GNAQ: variants seen among roughly 807,000 people sequenced by gnomAD.
The protein encoded by GNAQ is G protein subunit alpha q, also known as guanine nucleotide-binding protein G(q) subunit alpha.
GNAQ carries 8 observed loss-of-function variants against 43.9 expected under a neutral mutation model. That is an observed-to-expected ratio of 0.18 (90% CI 0.11 to 0.33). The LOEUF is 0.33. Among genes scored for constraint, GNAQ ranks in the 10% least tolerant of loss-of-function variants. The pLI is 1.00. For synonymous variants in GNAQ, 155 were observed against 170.7 expected, an observed-to-expected ratio of 0.91 and a Z score of 0.71; for missense variants, 158 against 450.8, an observed-to-expected ratio of 0.35 and a Z score of 5.88.
chr9:77,957,159 C>G (rs752696901), intron 1 of GNAQ, among the ~76,000 whole-genome samples: 1 of 152,064 alleles, frequency 6.6e-6, no homozygotes, highest in Admixed American at 6.5e-5. Context: ...AATTCGAGAC[C>G]AGTCTGGCCA....
At chr9:77,804,003 A>C (rs984147649) in intron 3 of GNAQ, among the ~76,000 whole-genome samples, 6 of 152,220 alleles carry the variant, frequency 3.9e-5, no homozygotes, top group Non-Finnish European at 7.3e-5. Flanking sequence ...AGAAGCTTCA[A>C]CTTCTCTAAA....
intron 2 of GNAQ, among the ~76,000 whole-genome samples, chr9:77,822,015 A>T (rs1343960758): frequency 6.6e-6 from 1 of 152,178 alleles, no homozygotes; most frequent in Non-Finnish European, 1.5e-5. Flanking sequence ...TGGATTCTGA[A>T]GTCCAAGTAA....
chr9:77,776,032 G>C (rs1475761745), intron 5 of GNAQ, among the ~76,000 whole-genome samples: 4 of 152,200 alleles, frequency 2.6e-5, no homozygotes, highest in Admixed American at 6.5e-5. Flanking sequence ...CCACAAAAGT[G>C]GCAAAAATTG....
At chr9:77,885,546 A>G (rs1443692695) in intron 2 of GNAQ, among the ~76,000 whole-genome samples, 1 of 152,138 alleles carries the variant, frequency 6.6e-6, no homozygotes, top group Admixed American at 6.5e-5. Context: ...TATAAATTAG[A>G]TTTCTGTTTA....
At chr9:78,027,659 G>A (rs1385616916) in intron 1 of GNAQ, among the ~76,000 whole-genome samples, 1 of 151,584 alleles carries the variant, frequency 6.6e-6, no homozygotes, top group African/African-American at 2.4e-5. Flanking sequence ...GCTGAGACAG[G>A]AGAATCGCTT....
At chr9:77,799,345 G>A (rs962549663) in intron 3 of GNAQ, among the ~76,000 whole-genome samples, 8 of 152,212 alleles carry the variant, frequency 5.3e-5, no homozygotes, top group African/African-American at 1.9e-4. Context: ...GGAATGCCTT[G>A]TGCATAGCAT....
At chr9:77,997,740 T>C (rs1226728611) in intron 1 of GNAQ, among the ~76,000 whole-genome samples, 1 of 152,162 alleles carries the variant, frequency 6.6e-6, no homozygotes, top group Non-Finnish European at 1.5e-5. Flanking sequence ...AGGCCCAGAT[T>C]CACAGTGTAA....
chr9:77,941,858 G>A (rs1829318604), intron 1 of GNAQ, among the ~76,000 whole-genome samples: 1 of 148,456 alleles, frequency 6.7e-6, no homozygotes, highest in Non-Finnish European at 1.5e-5. Context: ...AAATTCATAT[G>A]TAAACCTCAT....
At chr9:77,870,396 T>C (rs1317367645) in intron 2 of GNAQ, among the ~76,000 whole-genome samples, 1 of 147,650 alleles carries the variant, frequency 6.8e-6, no homozygotes, top group Non-Finnish European at 1.5e-5. Flanking sequence ...AGTGGCGCGA[T>C]CTCAGCTCAC....
intron 1 of GNAQ, among the ~76,000 whole-genome samples, chr9:77,965,956 G>C (rs1823162049): frequency 6.6e-6 from 1 of 152,036 alleles, no homozygotes. Context: ...TAGATGAATG[G>C]ATAAAGAAAA....
intron 5 of GNAQ, among the ~76,000 whole-genome samples, chr9:77,758,122 T>C (rs1380231916): frequency 2.0e-5 from 3 of 152,242 alleles, no homozygotes; most frequent in Admixed American, 2.0e-4. Flanking sequence ...AAAGGATTGC[T>C]TTCTCCAGTG....
Position 77,732,073 on chromosome 9 carries a change from C to G in GNAQ, c.736-3406G>C, listed in dbSNP as rs772740022. Among the ~76,000 whole-genome samples the G allele has an allele frequency of 3.9e-5, 6 of 152,192 alleles. No homozygotes were observed. The South Asian group carries it at 1.2e-3, about 32-fold the overall frequency. On this transcript the variant is annotated intron_variant, in intron 5 of 6. Transcript: ENST00000286548. The stretch of plus-strand genomic sequence containing the variant: ...CACAATGACTCATAAGGTAGTGGAA[C>G]GTGCAGAGTGTGAGGCATAATCCAC...
At chr9:77,745,015 A>C (rs1002212405) in intron 5 of GNAQ, among the ~76,000 whole-genome samples, 1 of 152,202 alleles carries the variant, frequency 6.6e-6, no homozygotes, top group African/African-American at 2.4e-5. Flanking sequence ...GAAAACTATT[A>C]ATCACCTTTC....
intron 1 of GNAQ, among the ~76,000 whole-genome samples, chr9:78,018,231 TAC>T (rs1486058008): frequency 1.3e-5 from 2 of 152,092 alleles, no homozygotes; most frequent in African/African-American, 2.4e-5. Context: ...AAGAATCTTA[TAC>T]AGTCTTTTCA....
At chr9:77,868,847 C>T (rs974684591) in intron 2 of GNAQ, among the ~76,000 whole-genome samples, 39 of 150,604 alleles carry the variant, frequency 2.6e-4, no homozygotes, top group East Asian at 1.4e-3. Flanking sequence ...ATCAGCCAGG[C>T]GTGGTGGCGC....
chr9:77,759,810 C>T lies in GNAQ; in HGVS notation c.736-31143G>A, dbSNP rs575292431. 1.1e-4 allele frequency among the ~76,000 whole-genome samples: 17 copies of T among 152,234 alleles called. No homozygotes were observed. The East Asian group carries it at 2.9e-3, about 26-fold the overall frequency. On this transcript the variant is annotated intron_variant, in intron 5 of 6. Transcript: ENST00000286548. ...CTCCAAAAGGCTCAGTTTTCTGAGC[C>T]TTTTAGATCTATTAAATCACTGGAG...
intron 5 of GNAQ, among the ~76,000 whole-genome samples, chr9:77,761,179 C>G: frequency 6.8e-6 from 1 of 146,018 alleles, no homozygotes. Flanking sequence ...GGTCAGCCTC[C>G]CGCCCGGCCA....
chr9:77,787,438 G>A (rs960018758), intron 5 of GNAQ, among the ~76,000 whole-genome samples: 30 of 152,162 alleles, frequency 2.0e-4, no homozygotes, highest in African/African-American at 7.2e-4. Flanking sequence ...TTATGTGTGT[G>A]TATTTCACAA....
At chr9:77,846,141 G>A (rs78256435) in intron 2 of GNAQ, among the ~76,000 whole-genome samples, 2,330 of 152,284 alleles carry the variant, frequency 0.015, 55 homozygotes, top group African/African-American at 0.053. Flanking sequence ...GTTGATTTGC[G>A]TAATATAATT....
Sources: allele counts gnomAD v4.1 joint callset (sites outside exome capture counted in the v4.1 genomes callset), GRCh38; gene constraint gnomAD v4.1.1; transcripts MANE v1.5; gene names NCBI Gene and HGNC (gene_info 2026-07-23, HGNC 2026-07-21).